Variants in NINL observed in about 807,000 individuals in gnomAD.
NINL encodes ninein-like protein.
NINL carries 153 observed loss-of-function variants against 160.3 expected under a neutral mutation model. That is an observed-to-expected ratio of 0.95 (90% CI 0.84 to 1.09). The LOEUF (loss-of-function observed/expected upper bound fraction) is 1.09. Among genes scored for constraint, NINL ranks in the 50% least tolerant of loss-of-function variants. NINL has a pLI of 0.00. For missense variants in NINL, 1,829 were observed against 1,764.0 expected (o/e 1.04, Z -0.66); for synonymous variants, 800 against 734.8 (o/e 1.09, Z -1.43).
At chr20:25,542,738 A>C (rs1415198280) in intron 1 of NINL, among the ~76,000 whole-genome samples, 3 of 72,306 alleles carry the variant, frequency 4.1e-5, no homozygotes, top group African/African-American at 1.6e-4. Context: ...AAAAAAAAAA[A>C]AAAAAAAAAA....
intron 1 of NINL, among the ~76,000 whole-genome samples, chr20:25,553,108 T>TTTTTTTTG (rs2064824967): frequency 7.1e-6 from 1 of 140,476 alleles, no homozygotes; most frequent in African/African-American, 2.6e-5. Context: ...TGTTGGGTTT[T>TTTTTTTTG]TTTTTTTTTT....
intron 1 of NINL, among the ~76,000 whole-genome samples, chr20:25,567,624 T>C (rs560756527): frequency 3.3e-5 from 5 of 152,286 alleles, no homozygotes; most frequent in African/African-American, 7.2e-5. Context: ...AAGTTAAGTA[T>C]TACATCAGAC....
intron 13 of NINL, 79 bp from the exon 14 acceptor site, chr20:25,482,179 G>A: frequency 6.6e-7 from 1 of 1,514,696 alleles, no homozygotes; most frequent in Non-Finnish European, 8.9e-7. Flanking sequence ...GGCCTCCAGG[G>A]GGGTCCCTTG....
chr20:25,546,647 CA>C (rs1429815248), intron 1 of NINL, among the ~76,000 whole-genome samples: 1 of 152,044 alleles, frequency 6.6e-6, no homozygotes, highest in African/African-American at 2.4e-5. Flanking sequence ...AGTACTGAAA[CA>C]ACCTACCCTA....
At position 25,477,000 on chromosome 20, in the gene NINL, G is replaced by C. The variant is rs750242373; in HGVS notation, c.2291C>G (p.Pro764Arg). 4.4e-6 allele frequency: 7 copies of C among 1,602,032 alleles called. No homozygotes were observed. Among genetic ancestry groups the C allele is most frequent in the Non-Finnish European group, 5.1e-6 (6 of 1,179,694 alleles). ...CCCGCGTGGCAGGGGTCCCTGCGGC[G>C]GCTCCTCCAGCTCCAAGGTCAGGTC... The part of the protein sequence containing the change: ...RRDLTLELEE[P>R]PQGPLPRGSQ... The change falls in exon 17 of 24, where the codon CCG becomes CGG. Residue 764 changes from proline to arginine, a missense_variant. Transcript: ENST00000278886.
chr20:25,561,055 T>TTTCCCCGGTCTCCCTCTCCCTCCCC (rs771171636), intron 1 of NINL, among the ~76,000 whole-genome samples: 1 of 61,316 alleles, frequency 1.6e-5, no homozygotes, highest in African/African-American at 7.7e-5. Flanking sequence ...TCTCCCTCTC[T>TTTCCCCGGTCTCCCTCTCCCTCCCC]CTCTCTTTCC....
At chr20:25,535,327 C>T (rs927511914) in intron 1 of NINL, among the ~76,000 whole-genome samples, 1 of 151,948 alleles carries the variant, frequency 6.6e-6, no homozygotes, top group Admixed American at 6.6e-5. Flanking sequence ...TAAGTTCTGG[C>T]GATCTACTGT....
At chr20:25,487,116 C>T (rs2146640243) in intron 13 of NINL, among the ~76,000 whole-genome samples, 1 of 152,258 alleles carries the variant, frequency 6.6e-6, no homozygotes, top group East Asian at 1.9e-4. Flanking sequence ...CCCAAGGTAA[C>T]TAAAGATTAT....
intron 8 of NINL, 63 bp from the exon 9 acceptor site, chr20:25,498,409 T>C (rs1238983519): frequency 1.9e-6 from 3 of 1,591,762 alleles, no homozygotes; most frequent in South Asian, 1.1e-5. Flanking sequence ...GACACCTCTT[T>C]GCTCCCTCCC....
At chr20:25,538,208 C>T (rs2064594749) in intron 1 of NINL, among the ~76,000 whole-genome samples, 1 of 152,138 alleles carries the variant, frequency 6.6e-6, no homozygotes, top group South Asian at 2.1e-4. Flanking sequence ...AGAGGGGACT[C>T]CTGTGGTCGC....
At chr20:25,547,464 A>G (rs2064749595) in intron 1 of NINL, among the ~76,000 whole-genome samples, 1 of 152,170 alleles carries the variant, frequency 6.6e-6, no homozygotes, top group Admixed American at 6.5e-5. Context: ...TGCACAGGTC[A>G]CAACGTGGGA....
intron 5 of NINL, among the ~76,000 whole-genome samples, chr20:25,510,407 T>C (rs548286836): frequency 1.3e-5 from 2 of 152,172 alleles, no homozygotes; most frequent in Non-Finnish European, 2.9e-5. Flanking sequence ...GACCATAAAG[T>C]GTGACGAACC....
chr20:25,578,842 AAAATT>A (rs1352340305), intron 1 of NINL, among the ~76,000 whole-genome samples: 27 of 151,790 alleles, frequency 1.8e-4, no homozygotes, highest in Non-Finnish European at 3.4e-4. Flanking sequence ...AAGCTCAAGC[AAAATT>A]AAATTAAATT....
chr20:25,453,913 G>C (rs866989848), intron 23 of NINL, among the ~76,000 whole-genome samples: 1 of 152,088 alleles, frequency 6.6e-6, no homozygotes, highest in African/African-American at 2.4e-5. Flanking sequence ...TTAGCTGGGC[G>C]TGGTGGCGGG....
At chr20:25,529,432 AG>A (rs2064414511) in intron 1 of NINL, among the ~76,000 whole-genome samples, 1 of 152,236 alleles carries the variant, frequency 6.6e-6, no homozygotes, top group Admixed American at 6.5e-5. Flanking sequence ...TCAGAGGTGC[AG>A]GTGAAAATGA....
chr20:25,496,491 C>T (rs1444765654), intron 10 of NINL, among the ~76,000 whole-genome samples, 172 bp downstream of exon 10: 1 of 152,214 alleles, frequency 6.6e-6, no homozygotes, highest in Admixed American at 6.5e-5. Flanking sequence ...CAGGGCTCTG[C>T]TGCTTTCTCA....
intron 21 of NINL, 24 bp from the exon 22 acceptor site, chr20:25,458,553 TCTGGTGGGG>T: frequency 6.4e-7 from 1 of 1,553,148 alleles, no homozygotes; most frequent in Non-Finnish European, 8.7e-7. Context: ...GGGAGACAGC[TCTGGTGGGG>T]CTGCTGAGAC....
At chr20:25,577,420 G>C (rs1181744302) in intron 1 of NINL, among the ~76,000 whole-genome samples, 1 of 152,216 alleles carries the variant, frequency 6.6e-6, no homozygotes, top group Non-Finnish European at 1.5e-5. Context: ...GGACAGTCCA[G>C]CACATCCCTC....
rs145012575 is a variant in NINL, at chr20:25,547,531, G to A, written c.-11-20933C>T. 7.1e-4 allele frequency among the ~76,000 whole-genome samples: 108 copies of A among 152,254 alleles called. 1 individual carries two copies. The highest frequency in any genetic ancestry group is 1.0e-3 in the Non-Finnish European group (71 of 68,024). On this transcript the variant is annotated intron_variant, in intron 1 of 23. Transcript: ENST00000278886. ...AAATGGAACTGAGCCCTTAACCTAT[G>A]GGGTCTGCACTAACTCCAGGTAGTG...
Sources: allele counts gnomAD v4.1 joint callset (sites outside exome capture counted in the v4.1 genomes callset), GRCh38; gene constraint gnomAD v4.1.1; transcripts MANE v1.5; gene names NCBI Gene and HGNC (gene_info 2026-07-23, HGNC 2026-07-21).